The following ITGB8 variants were observed in gnomAD, a reference collection of about 807,000 sequenced individuals.
ITGB8 encodes integrin beta-8.
ITGB8 carries 30 observed loss-of-function variants against 89.5 expected under a neutral mutation model. The observed-to-expected ratio is 0.34, with a 90% CI of 0.25 to 0.45. ITGB8 has a LOEUF of 0.45. Among genes scored for constraint, ITGB8 ranks in the 20% least tolerant of loss-of-function variants. ITGB8 has a pLI of 1.00. For missense variants in ITGB8, 836 were observed against 933.3 expected (o/e 0.90, Z 1.36); for synonymous variants, 335 against 320.4 (o/e 1.05, Z -0.49).
At chr7:20,406,991 A>G (rs1320525879) in intron 12 of ITGB8, among the ~76,000 whole-genome samples, 1 of 152,230 alleles carries the variant, frequency 6.6e-6, no homozygotes, top group Non-Finnish European at 1.5e-5. Context: ...CACCTGAAAC[A>G]TGAAAGCAAA....
At chr7:20,336,768 C>T (rs1431178573) in intron 1 of ITGB8, among the ~76,000 whole-genome samples, 2 of 152,170 alleles carry the variant, frequency 1.3e-5, no homozygotes, top group Admixed American at 1.3e-4. Context: ...CCTGTGACCT[C>T]CTTGAGGGAA....
chr7:20,398,713 A>G, intron 8 of ITGB8, 147 bp from the exon 9 acceptor site: 1 of 473,816 alleles, frequency 2.1e-6, no homozygotes, highest in South Asian at 8.6e-5. Context: ...ATTATGTGGA[A>G]ACACTGTTTT....
intron 1 of ITGB8, among the ~76,000 whole-genome samples, chr7:20,334,838 C>T (rs1435174311): frequency 1.3e-5 from 2 of 152,146 alleles, no homozygotes; most frequent in Non-Finnish European, 2.9e-5. Flanking sequence ...ATTCCTGTGC[C>T]CCAAAATAAC....
chr7:20,410,352 G>A lies in ITGB8; in HGVS notation c.*355G>A. On this transcript the variant is annotated 3_prime_UTR_variant, in exon 14 of 14. Transcript: ENST00000222573. ...TCCCAGAGAGAACAATGCTGTGAGA[G>A]AGTTTAGCATTGTGTCACTACAAGG... is the stretch of plus-strand genomic sequence containing the variant. 1 of 222,704 alleles carries A rather than the reference G, an allele frequency of 4.5e-6. No homozygotes were observed. The highest frequency in any genetic ancestry group is 8.8e-6 in the Non-Finnish European group (1 of 113,258). The allele number at this position is 222,704 out of a possible 1,614,324, so 13.8% of individuals were successfully genotyped here. A position where few individuals can be genotyped will look rare whatever the true frequency, so the allele number is the denominator to read the frequency against.
chr7:20,404,957 C>G (rs1787474004), intron 11 of ITGB8, 104 bp downstream of exon 11: 3 of 943,056 alleles, frequency 3.2e-6, no homozygotes, highest in Admixed American at 4.0e-5. Flanking sequence ...TTGTGACCAC[C>G]ATGCTAAAAA....
intron 3 of ITGB8, among the ~76,000 whole-genome samples, chr7:20,368,523 A>C (rs1033754326): frequency 6.6e-6 from 1 of 152,060 alleles, no homozygotes; most frequent in Admixed American, 6.6e-5. Context: ...AACCATCTTT[A>C]TCTCTCTTTT....
intron 7 of ITGB8, among the ~76,000 whole-genome samples, chr7:20,392,738 T>C (rs1786915289): frequency 6.6e-6 from 1 of 152,220 alleles, no homozygotes; most frequent in Non-Finnish European, 1.5e-5. Flanking sequence ...ACACATTATT[T>C]AGCTCCCACT....
At chr7:20,374,877 G>T (rs902131882) in intron 3 of ITGB8, among the ~76,000 whole-genome samples, 1 of 152,080 alleles carries the variant, frequency 6.6e-6, no homozygotes, top group Non-Finnish European at 1.5e-5. Context: ...AAGTAATTTG[G>T]ATTTTAAAAG....
At position 20,367,277 on chromosome 7, in the gene ITGB8, C is replaced by G. The variant is rs1785738912; in HGVS notation, c.388+91C>G. ...CTCATTTTTAATATTATGTGGCAGG[C>G]AGTATTGTTCTTGTAGAAACCACAG... On this transcript the variant is annotated intron_variant, in intron 3 of 13. Coordinates refer to ENST00000222573, the MANE Select transcript of ITGB8 (RefSeq NM_002214.3). The G allele has an allele frequency of 4.1e-6, 4 of 977,392 alleles. No individual in the cohort carries two copies. The South Asian group carries it at 4.2e-5, about 10-fold the overall frequency. The allele number at this position is 977,392 out of a possible 1,614,324, so 60.5% of individuals were successfully genotyped here. A position where few individuals can be genotyped will look rare whatever the true frequency, so the allele number is the denominator to read the frequency against.
At position 20,409,996 on chromosome 7, in the gene ITGB8, A is replaced by T; in HGVS notation, c.2309A>T (p.Ter770LeuextTer14). The change falls in exon 14 of 14, where the codon TAA becomes TTA. Residue 770 changes from the stop codon to leucine, a stop_lost. Coordinates refer to ENST00000222573, the MANE Select transcript of ITGB8 (RefSeq NM_002214.3). The stretch of plus-strand genomic sequence containing the variant: ...CATGAAACTTTCAGGTGCAACTTCT[A>T]AAAAAAGATTTTTAAACACTTAATG... ...NAHETFRCNF* is the reference protein window; with the variant it reads ...NAHETFRCNFL The T allele has an allele frequency of 6.2e-7, 1 of 1,604,468 alleles. No homozygotes were observed. Among genetic ancestry groups the T allele is most frequent in the Non-Finnish European group, 8.5e-7 (1 of 1,176,658 alleles).
chr7:20,343,886 T>A (rs1784839921), intron 1 of ITGB8, among the ~76,000 whole-genome samples: 1 of 152,256 alleles, frequency 6.6e-6, no homozygotes, highest in Non-Finnish European at 1.5e-5. Flanking sequence ...TTTTAATATG[T>A]GTGTGTACAC....
intron 12 of ITGB8, among the ~76,000 whole-genome samples, chr7:20,407,269 C>T (rs1019273983): frequency 6.6e-6 from 1 of 151,968 alleles, no homozygotes; most frequent in East Asian, 1.9e-4. Context: ...ATTTAAAAAA[C>T]TGAATCGCAA....
chr7:20,331,197 T>C lies in ITGB8; in HGVS notation c.-610T>C, dbSNP rs1784375452. The C allele has an allele frequency of 5.4e-6, 1 of 185,556 alleles. No homozygotes were observed. Among genetic ancestry groups the C allele is most frequent in the Non-Finnish European group, 1.1e-5 (1 of 90,240 alleles). 11.5% of individuals were successfully genotyped at this position (185,556 alleles called of 1,614,324 possible). ...CAGCCAGGACGCTGCCGACTTGTCT[T>C]TGCCCGCTGCTCCGCAGACGGGGCT... On this transcript the variant is annotated 5_prime_UTR_variant, in exon 1 of 14. Transcript: ENST00000222573.
chr7:20,344,491 T>A (rs1784858667), intron 1 of ITGB8, among the ~76,000 whole-genome samples: 1 of 152,226 alleles, frequency 6.6e-6, no homozygotes, highest in Non-Finnish European at 1.5e-5. Context: ...TCTTAGCTAT[T>A]AGAAGAAACT....
intron 3 of ITGB8, among the ~76,000 whole-genome samples, chr7:20,373,660 A>G (rs1224813355): frequency 3.3e-5 from 5 of 152,176 alleles, no homozygotes; most frequent in African/African-American, 1.2e-4. Flanking sequence ...TCCCACAGAA[A>G]TTAGGAAATG....
At chr7:20,386,405 ATTTTTTTTTTTT>A (rs759304002) in intron 6 of ITGB8, among the ~76,000 whole-genome samples, 54 of 80,360 alleles carry the variant, frequency 6.7e-4, no homozygotes, top group East Asian at 6.1e-3. Context: ...CACCTGGCTA[ATTTTTTTTTTTT>A]TTTTTTTTTT....
At chr7:20,350,240 C>T (rs369284977) in intron 1 of ITGB8, among the ~76,000 whole-genome samples, 1 of 152,174 alleles carries the variant, frequency 6.6e-6, no homozygotes. Flanking sequence ...CTCCACCTCT[C>T]AGGTTGAAGC....
intron 3 of ITGB8, among the ~76,000 whole-genome samples, chr7:20,369,562 C>T (rs1476708489): frequency 6.6e-6 from 1 of 152,204 alleles, no homozygotes; most frequent in Non-Finnish European, 1.5e-5. Flanking sequence ...TCATATCTCT[C>T]AGAGACCCCC....
intron 3 of ITGB8, among the ~76,000 whole-genome samples, chr7:20,372,262 T>C (rs972745945): frequency 1.3e-5 from 2 of 152,234 alleles, no homozygotes; most frequent in Admixed American, 6.5e-5. Flanking sequence ...TTCTTTTTTA[T>C]AGATATAATG....
Sources: gnomAD v4.1 joint callset for allele counts (sites outside exome capture counted in the v4.1 genomes callset) on GRCh38, gnomAD v4.1.1 for gene constraint, MANE v1.5 for transcripts, NCBI Gene and HGNC (gene_info 2026-07-23, HGNC 2026-07-21) for gene names.